PRIM2: variants seen among roughly 807,000 people sequenced by gnomAD.
PRIM2 encodes DNA primase subunit 2, also known as DNA primase large subunit.
A neutral mutation model predicts 67.3 loss-of-function variants in PRIM2; 39 were observed. The observed-to-expected ratio is 0.58, with a 90% confidence interval of 0.45 to 0.76. PRIM2 has a LOEUF of 0.76. Among genes scored for constraint, PRIM2 ranks in the 30% least tolerant of loss-of-function variants. PRIM2 has a pLI of 0.00. For synonymous variants in PRIM2, 143 were observed against 198.7 expected (o/e 0.72, Z 2.36); for missense variants, 398 against 598.7 (o/e 0.66, Z 3.50).
intron 10 of PRIM2, among the ~76,000 whole-genome samples, chr6:57,595,197 A>G (rs1414344393): frequency 1.3e-5 from 2 of 152,166 alleles, no homozygotes; most frequent in Non-Finnish European, 2.9e-5. Context: ...TTTGGCAGCA[A>G]TTCCACTTCT....
chr6:57,423,018 T>C (rs1266718687), intron 7 of PRIM2, among the ~76,000 whole-genome samples: 1 of 152,196 alleles, frequency 6.6e-6, no homozygotes, highest in Non-Finnish European at 1.5e-5. Flanking sequence ...TGCAGAGTAA[T>C]TCCTTGTAAC....
At chr6:57,443,414 A>G (rs556128959) in intron 7 of PRIM2, among the ~76,000 whole-genome samples, 160 of 152,190 alleles carry the variant, frequency 1.1e-3, no homozygotes, top group African/African-American at 3.7e-3. Context: ...CCACCACTTA[A>G]TCCTTCATCT....
intron 8 of PRIM2, among the ~76,000 whole-genome samples, chr6:57,521,737 G>A (rs1293467384): frequency 6.6e-6 from 1 of 152,110 alleles, no homozygotes; most frequent in African/African-American, 2.4e-5. Context: ...ATAGAAAGGA[G>A]TAAATGGTGT....
chr6:57,291,303 G>A, the PRIM2 span, among the ~76,000 whole-genome samples: 1 of 152,144 alleles, frequency 6.6e-6, no homozygotes, highest in Non-Finnish European at 1.5e-5. Context: ...AAACCAGGAA[G>A]AAGTTGAATC....
chr6:57,318,759 A>G (rs894138354), intron 2 of PRIM2, 160 bp downstream of exon 2: 1 of 205,876 alleles, frequency 4.9e-6, no homozygotes, highest in Non-Finnish European at 8.5e-6. Flanking sequence ...TTCAACAAAT[A>G]TTTGTTGAGG....
chr6:57,249,769 C>T, the PRIM2 span, among the ~76,000 whole-genome samples: 1 of 151,918 alleles, frequency 6.6e-6, no homozygotes, highest in East Asian at 1.9e-4. Context: ...AAAAAGAATA[C>T]CTATGCTAAC....
intron 7 of PRIM2, among the ~76,000 whole-genome samples, chr6:57,476,282 A>G (rs1773476454): frequency 6.6e-6 from 1 of 152,198 alleles, no homozygotes; most frequent in African/African-American, 2.4e-5. Context: ...CAGAATTTAG[A>G]ATTGGTAAAA....
intron 5 of PRIM2, among the ~76,000 whole-genome samples, chr6:57,339,152 T>G (rs1768379920): frequency 6.6e-6 from 1 of 151,996 alleles, no homozygotes; most frequent in Admixed American, 6.6e-5. Context: ...TTACAAGGGA[T>G]GTGAAGGACC....
chr6:57,636,950 C>G (rs1165538431), intron 13 of PRIM2, among the ~76,000 whole-genome samples: 1 of 152,206 alleles, frequency 6.6e-6, no homozygotes. Context: ...ACCACCATGT[C>G]TCCTGACTGG....
the PRIM2 span, among the ~76,000 whole-genome samples, chr6:57,270,739 A>G: frequency 6.6e-6 from 1 of 152,100 alleles, no homozygotes; most frequent in Non-Finnish European, 1.5e-5. Flanking sequence ...GTTTTTCTCC[A>G]TTCAGTATGA....
At chr6:57,413,655 C>T (rs1450558969) in intron 7 of PRIM2, among the ~76,000 whole-genome samples, 4 of 152,092 alleles carry the variant, frequency 2.6e-5, no homozygotes, top group Admixed American at 1.3e-4. Context: ...AAAGGAGGGG[C>T]TGTAGCAAAT....
At chr6:57,350,461 T>C (rs913301520) in intron 5 of PRIM2, among the ~76,000 whole-genome samples, 5 of 152,290 alleles carry the variant, frequency 3.3e-5, no homozygotes, top group Admixed American at 6.5e-5. Flanking sequence ...GAACTTTGCC[T>C]TTGGATTAAA....
Position 57,646,088 on chromosome 6 carries a change from T to G in PRIM2, c.1460T>G (p.Leu487Arg). ...VQKTKDASSA[L>R]ASLNSSLEMD... ...AAAACCAAGGATGCATCATCTGCTC[T>G]GGCCTCTTTAAATTCCTCTCTGGAA... is the stretch of plus-strand genomic sequence containing the variant. The change falls in exon 14 of 14, where the codon CTG (leucine) becomes CGG (arginine). Residue 487 changes from leucine to arginine, a missense_variant. Leu to Arg is a moderately radical substitution (Grantham distance 102). Coordinates refer to ENST00000615550, the MANE Select transcript of PRIM2 (RefSeq NM_000947.5). 3.7e-6 allele frequency: 6 copies of G among 1,603,976 alleles called. No individual in the cohort carries two copies. The highest frequency in any genetic ancestry group is 5.1e-6 in the Non-Finnish European group (6 of 1,170,750).
At chr6:57,355,695 G>A (rs1270411930) in intron 5 of PRIM2, among the ~76,000 whole-genome samples, 3 of 152,098 alleles carry the variant, frequency 2.0e-5, no homozygotes, top group Non-Finnish European at 1.5e-5. Flanking sequence ...TGCCCAGGCT[G>A]GAGTGCAGTG....
intron 7 of PRIM2, among the ~76,000 whole-genome samples, chr6:57,492,558 A>G (rs1554346088): frequency 6.6e-6 from 1 of 151,910 alleles, no homozygotes; most frequent in Non-Finnish European, 1.5e-5. Context: ...AAAAAAATAA[A>G]TAAATAAATA....
At chr6:57,289,669 T>G in the PRIM2 span, among the ~76,000 whole-genome samples, 12,995 of 152,100 alleles carry the variant, frequency 0.085, 581 homozygotes, top group Non-Finnish European at 0.1. Flanking sequence ...TTAAATAAAA[T>G]AATTTTCAAC....
At chr6:57,573,522 T>C (rs1387390281) in intron 10 of PRIM2, among the ~76,000 whole-genome samples, 1 of 152,134 alleles carries the variant, frequency 6.6e-6, no homozygotes, top group Non-Finnish European at 1.5e-5. Flanking sequence ...ATTCTTATTT[T>C]ATGCTCAGTT....
chr6:57,224,838 T>A, the PRIM2 span, among the ~76,000 whole-genome samples: 1 of 152,132 alleles, frequency 6.6e-6, no homozygotes, highest in African/African-American at 2.4e-5. Flanking sequence ...TTATTTGGAG[T>A]TGAAGGCAAT....
chr6:57,332,796 G>A (rs1768096196), intron 5 of PRIM2, among the ~76,000 whole-genome samples: 1 of 150,852 alleles, frequency 6.6e-6, no homozygotes, highest in East Asian at 1.9e-4. Context: ...TCATATAGTT[G>A]GATCATCTTC....
Sources: gnomAD v4.1 joint callset for allele counts (sites outside exome capture counted in the v4.1 genomes callset) on GRCh38, gnomAD v4.1.1 for gene constraint, MANE v1.5 for transcripts, NCBI Gene and HGNC (gene_info 2026-07-23, HGNC 2026-07-21) for gene names.